Variants in CSMD3 observed in about 807,000 individuals in gnomAD.
CSMD3 encodes CUB and Sushi multiple domains 3.
In CSMD3, 177 loss-of-function variants were observed where a neutral mutation model predicts 435.2. The observed-to-expected ratio is 0.41, with a 90% CI of 0.36 to 0.46. The LOEUF is 0.46. CSMD3 is among the 20% of genes least tolerant of loss of function. CSMD3 has a pLI of 0.34. For missense variants in CSMD3, 4,265 were observed against 4,504.6 expected (o/e 0.95, Z 1.52); for synonymous variants, 1,656 against 1,520.5 (o/e 1.09, Z -2.07).
intron 1 of CSMD3, among the ~76,000 whole-genome samples, chr8:113,396,909 G>C (rs1232749908): frequency 6.6e-6 from 1 of 152,012 alleles, no homozygotes; most frequent in African/African-American, 2.4e-5. Context: ...ATATAACAGG[G>C]ATTTTGTCTT....
intron 5 of CSMD3, among the ~76,000 whole-genome samples, chr8:113,044,933 A>G (rs918611280): frequency 6.7e-6 from 1 of 149,088 alleles, no homozygotes; most frequent in Non-Finnish European, 1.5e-5. Context: ...GACTTGCCCA[A>G]CTGACTTGAC....
At chr8:113,321,420 A>G (rs910506698) in intron 1 of CSMD3, among the ~76,000 whole-genome samples, 1 of 152,090 alleles carries the variant, frequency 6.6e-6, no homozygotes, top group East Asian at 1.9e-4. Context: ...CAGAGGAAGG[A>G]GTGGGGCACA....
chr8:113,223,401 T>C (rs2092991959), intron 3 of CSMD3, among the ~76,000 whole-genome samples: 1 of 150,558 alleles, frequency 6.6e-6, no homozygotes, highest in Admixed American at 6.7e-5. Flanking sequence ...AAATTCTTCG[T>C]TTCCTAGTTT....
intron 4 of CSMD3, among the ~76,000 whole-genome samples, chr8:113,102,421 G>C (rs975981203): frequency 6.6e-6 from 1 of 152,110 alleles, no homozygotes; most frequent in African/African-American, 2.4e-5. Context: ...TAATCTCTCT[G>C]ACTATAATGA....
intron 13 of CSMD3, among the ~76,000 whole-genome samples, chr8:112,701,579 A>C (rs945589822): frequency 2.0e-5 from 3 of 152,132 alleles, no homozygotes; most frequent in African/African-American, 7.2e-5. Flanking sequence ...GTTGAAAGGG[A>C]AAGGATGGTC....
chr8:112,501,520 T>C (rs533968594), intron 30 of CSMD3, among the ~76,000 whole-genome samples: 4 of 152,280 alleles, frequency 2.6e-5, no homozygotes, highest in South Asian at 2.1e-4. Context: ...ATTAGCAACT[T>C]CCAAGTTTAA....
intron 13 of CSMD3, among the ~76,000 whole-genome samples, chr8:112,704,855 C>G (rs2076465121): frequency 6.6e-6 from 1 of 152,028 alleles, no homozygotes; most frequent in East Asian, 1.9e-4. Context: ...GTGACTATTT[C>G]AAAATCAAGA....
intron 59 of CSMD3, among the ~76,000 whole-genome samples, chr8:112,274,924 C>T (rs1364821042): frequency 5.9e-5 from 9 of 152,216 alleles, no homozygotes; most frequent in East Asian, 1.9e-4. Context: ...TGTTTAACTA[C>T]GCTGCGTGGT....
chr8:112,550,852 A>G lies in CSMD3; in HGVS notation c.4383T>C (p.Asp1461=), dbSNP rs1251844476. 1.2e-6 allele frequency: 2 copies of G among 1,611,782 alleles called. No homozygotes were observed. Among genetic ancestry groups the G allele is most frequent in the Non-Finnish European group, 1.7e-6 (2 of 1,178,176 alleles). ...NIVSLQFLAF[D]TEASHDILRV... ...GGAGTATATCATGTGATGCTTCCGT[A>G]TCAAAAGCAAGAAACTGCAAGCTGT... Residue 1461 remains aspartate (D), a synonymous_variant, in exon 27 of 71, where the codon GAT becomes GAC. Transcript: ENST00000297405.
At chr8:112,755,224 G>C (rs375522344) in intron 13 of CSMD3, among the ~76,000 whole-genome samples, 1 of 151,856 alleles carries the variant, frequency 6.6e-6, no homozygotes, top group Non-Finnish European at 1.5e-5. Context: ...CCAGCTACTC[G>C]GGAGGCTGAG....
At chr8:113,425,337 A>T (rs1363802052) in intron 1 of CSMD3, among the ~76,000 whole-genome samples, 3 of 151,524 alleles carry the variant, frequency 2.0e-5, no homozygotes, top group African/African-American at 7.2e-5. Flanking sequence ...CAAATGATAA[A>T]CTTAATATGT....
intron 23 of CSMD3, among the ~76,000 whole-genome samples, chr8:112,584,309 G>C (rs1830551161): frequency 6.6e-6 from 1 of 151,530 alleles, no homozygotes; most frequent in African/African-American, 2.4e-5. Flanking sequence ...AGAAAACCTG[G>C]GAGGCGTGCC....
chr8:113,158,649 C>G (rs746082204), intron 4 of CSMD3, among the ~76,000 whole-genome samples: 45 of 151,982 alleles, frequency 3.0e-4, no homozygotes, highest in Non-Finnish European at 5.6e-4. Flanking sequence ...TTTAACTATC[C>G]ACTTTGGGAA....
intron 23 of CSMD3, among the ~76,000 whole-genome samples, chr8:112,583,367 G>A (rs1372625327): frequency 6.6e-6 from 1 of 151,882 alleles, no homozygotes; most frequent in African/African-American, 2.4e-5. Flanking sequence ...GATAGAAACT[G>A]GATCTTATCA....
chr8:112,729,153 T>C (rs1406308764), intron 13 of CSMD3, among the ~76,000 whole-genome samples: 1 of 151,962 alleles, frequency 6.6e-6, no homozygotes. Flanking sequence ...GATGATTTTG[T>C]CAAAGTACAC....
chr8:113,173,035 G>A (rs556612547), intron 4 of CSMD3, among the ~76,000 whole-genome samples: 79 of 152,126 alleles, frequency 5.2e-4, no homozygotes, highest in African/African-American at 1.9e-3. Context: ...AATTAATTTC[G>A]AAAATTTCCA....
At position 112,491,071 on chromosome 8, in the gene CSMD3, A is replaced by G. The variant is rs571678803; in HGVS notation, c.5278+1418T>C. On this transcript the variant is annotated intron_variant, in intron 31 of 70. Transcript: ENST00000297405. ...CAATATTTTGAAGTAAAAAATGTTA[A>G]TCATCTCTATTTCATAGATGAGACA... Among the ~76,000 whole-genome samples, 7 of 152,300 alleles carry G rather than the reference A, an allele frequency of 4.6e-5. No individual in the cohort carries two copies. The South Asian group carries it at 1.4e-3, about 32-fold the overall frequency.
At position 112,954,676 on chromosome 8, in the gene CSMD3, A is replaced by G. The variant is rs776812711; in HGVS notation, c.1420+8T>C. The G allele has an allele frequency of 1.2e-5, 19 of 1,567,160 alleles. No individual in the cohort carries two copies. In the South Asian group the frequency reaches 1.7e-4, roughly 14 times the overall value. On this transcript the variant is annotated splice_region_variant and intron_variant, in intron 8 of 70. Coordinates refer to ENST00000297405, the MANE Select transcript of CSMD3 (RefSeq NM_198123.2). ...CTAGAGAAAGTAACAAAAAAGAAGT[A>G]CACTCACAGATAGAAAACTTGTTGC... is the stretch of plus-strand genomic sequence containing the variant.
At chr8:112,805,160 C>A (rs1356923963) in intron 12 of CSMD3, among the ~76,000 whole-genome samples, 1 of 152,024 alleles carries the variant, frequency 6.6e-6, no homozygotes, top group Non-Finnish European at 1.5e-5. Context: ...TGCAGGGAGA[C>A]CTGCTGGGAA....
Sources: gnomAD v4.1 joint callset for allele counts (sites outside exome capture counted in the v4.1 genomes callset) on GRCh38, gnomAD v4.1.1 for gene constraint, MANE v1.5 for transcripts, NCBI Gene and HGNC (gene_info 2026-07-23, HGNC 2026-07-21) for gene names.